Variants in AMMECR1 observed in about 807,000 individuals in gnomAD.
The protein encoded by AMMECR1 is AMMECR nuclear protein 1.
Under a neutral mutation model 22.5 loss-of-function variants are expected in AMMECR1, and 3 were observed. The ratio of observed to expected loss-of-function variants is 0.13; its 90% CI spans 0.06 to 0.35. The LOEUF is 0.35. Ranked by LOEUF, AMMECR1 falls within the 10% of genes least tolerant of loss-of-function variation. The pLI is 1.00. For missense variants in AMMECR1, 235 were observed against 278.7 expected, an observed-to-expected ratio of 0.84 and a Z score of 1.12; for synonymous variants, 130 against 116.7, an observed-to-expected ratio of 1.11 and a Z score of -0.74.
chrX:110,416,285 C>CT (rs2068676994), intron 2 of AMMECR1, among the ~76,000 whole-genome samples: 1 of 112,089 alleles, frequency 8.9e-6, no homozygotes, highest in Non-Finnish European at 1.9e-5. Context: ...GCAACAGTGC[C>CT]TCTAGACTAG....
At chrX:110,343,491 A>G (rs1017099357) in intron 2 of AMMECR1, among the ~76,000 whole-genome samples, 1 of 111,296 alleles carries the variant, frequency 9.0e-6, no homozygotes, top group Non-Finnish European at 1.9e-5. Context: ...AGTTCTGGCC[A>G]GGGCAATCAG....
In AMMECR1 at chrX:110,202,606, A is replaced by G. The variant is rs912341623; in HGVS notation, c.700-70T>C. On this transcript the variant is annotated intron_variant, in intron 3 of 5. Transcript: ENST00000262844. ...ATCAGAAAGAAAAGGTTATAATTTAACTTTCAAGAGAATGCAGTTCTTCCT... is the reference window on the plus strand; with the variant it reads ...ATCAGAAAGAAAAGGTTATAATTTAGCTTTCAAGAGAATGCAGTTCTTCCT... 5 of 701,401 alleles carry G rather than the reference A, an allele frequency of 7.1e-6. No individual in the cohort carries two copies. The African/African-American group carries it at 1.1e-4, about 15-fold the overall frequency. 57.8% of individuals were successfully genotyped at this position (701,401 alleles called of 1,213,427 possible).
At chrX:110,378,031 A>AAAAAAAAAAAAAT (rs1481955905) in intron 2 of AMMECR1, among the ~76,000 whole-genome samples, 1 of 107,573 alleles carries the variant, frequency 9.3e-6, no homozygotes, top group African/African-American at 3.4e-5. Flanking sequence ...AAAAAAAAAA[A>AAAAAAAAAAAAAT]ATATCTACCT....
intron 1 of AMMECR1, among the ~76,000 whole-genome samples, chrX:110,312,424 T>C (rs1260260105): frequency 8.9e-6 from 1 of 112,047 alleles, no homozygotes; most frequent in Non-Finnish European, 1.9e-5. Flanking sequence ...TTTCTTCCCA[T>C]TGGACTGAGA....
intron 2 of AMMECR1, among the ~76,000 whole-genome samples, chrX:110,352,936 T>C (rs774910701): frequency 8.9e-4 from 100 of 112,438 alleles, no homozygotes; most frequent in Middle Eastern, 4.6e-3. Flanking sequence ...ACCATGAAGC[T>C]TACATTCTGG....
intron 2 of AMMECR1, among the ~76,000 whole-genome samples, chrX:110,350,179 T>C (rs1054786926): frequency 1.8e-5 from 2 of 112,158 alleles, no homozygotes; most frequent in African/African-American, 6.5e-5. Flanking sequence ...ATTCTCGCCC[T>C]GTTTTGAGAA....
chrX:110,425,438 G>A (rs2068746562), intron 2 of AMMECR1, among the ~76,000 whole-genome samples: 2 of 112,998 alleles, frequency 1.8e-5, no homozygotes, highest in Admixed American at 1.9e-4. Context: ...GGAATGGCAG[G>A]CCTAGGGCAG....
intron 2 of AMMECR1, among the ~76,000 whole-genome samples, chrX:110,399,092 A>G (rs1293959420): frequency 8.9e-6 from 1 of 112,175 alleles, no homozygotes; most frequent in African/African-American, 3.2e-5. Context: ...CTCCTGACTC[A>G]TGGTCTCTTG....
At chrX:110,234,664 G>A (rs1232390146) in intron 2 of AMMECR1, among the ~76,000 whole-genome samples, 2 of 111,378 alleles carry the variant, frequency 1.8e-5, no homozygotes, top group Non-Finnish European at 3.8e-5. Context: ...AGAGCCCTCA[G>A]AAATAATGCC....
At chrX:110,314,551 C>T (rs1044262816) in intron 1 of AMMECR1, among the ~76,000 whole-genome samples, 4 of 111,663 alleles carry the variant, frequency 3.6e-5, no homozygotes, top group African/African-American at 9.8e-5. Context: ...TTCCAATGTG[C>T]AGCCAAAGTT....
At chrX:110,218,783 C>A (rs1172671457) in intron 2 of AMMECR1, among the ~76,000 whole-genome samples, 1 of 110,574 alleles carries the variant, frequency 9.0e-6, no homozygotes, top group Non-Finnish European at 1.9e-5. Context: ...AACTACGTAC[C>A]CAATAGCAGT....
intron 2 of AMMECR1, among the ~76,000 whole-genome samples, chrX:110,345,157 A>C: frequency 1.8e-5 from 2 of 112,230 alleles, no homozygotes; most frequent in Middle Eastern, 9.2e-3. Context: ...ATGGAATACT[A>C]TGCAGCCATA....
At chrX:110,229,763 C>T (rs940531366) in intron 2 of AMMECR1, among the ~76,000 whole-genome samples, 1 of 112,035 alleles carries the variant, frequency 8.9e-6, no homozygotes, top group Non-Finnish European at 1.9e-5. Flanking sequence ...CAAGGGAAGC[C>T]GTGACAGACT....
chrX:110,227,161 C>T (rs752911348), intron 2 of AMMECR1, among the ~76,000 whole-genome samples: 1 of 111,949 alleles, frequency 8.9e-6, no homozygotes, highest in South Asian at 3.7e-4. Flanking sequence ...ACTCAGTACA[C>T]GAGTCATGCA....
chrX:110,372,307 T>C (rs1165182521), intron 2 of AMMECR1, among the ~76,000 whole-genome samples: 1 of 112,730 alleles, frequency 8.9e-6, no homozygotes, highest in African/African-American at 3.2e-5. Flanking sequence ...TTAAAAGAAA[T>C]GCCTACACAT....
At chrX:110,361,754 T>G (rs763624070) in intron 2 of AMMECR1, among the ~76,000 whole-genome samples, 1 of 112,666 alleles carries the variant, frequency 8.9e-6, no homozygotes, top group South Asian at 3.6e-4. Context: ...GTTTATCTAT[T>G]TATTTGTTTA....
chrX:110,436,282 C>T (rs1217193911), intron 1 of AMMECR1, among the ~76,000 whole-genome samples: 2 of 111,325 alleles, frequency 1.8e-5, no homozygotes, highest in South Asian at 3.8e-4. Context: ...TGCGACCCAG[C>T]TGTGTGACTT....
intron 2 of AMMECR1, among the ~76,000 whole-genome samples, chrX:110,343,397 G>A (rs1482656574): frequency 9.0e-6 from 1 of 111,304 alleles, no homozygotes; most frequent in Non-Finnish European, 1.9e-5. Context: ...TACTGAATGG[G>A]CAAAAACTGG....
chrX:110,307,421 T>C (rs183955168), intron 1 of AMMECR1, among the ~76,000 whole-genome samples: 2 of 111,822 alleles, frequency 1.8e-5, no homozygotes, highest in East Asian at 5.6e-4. Context: ...TATGTACCTT[T>C]GTATGACTGT....
Sources: allele counts gnomAD v4.1 joint callset (sites outside exome capture counted in the v4.1 genomes callset), GRCh38; gene constraint gnomAD v4.1.1; transcripts MANE v1.5; gene names NCBI Gene and HGNC (gene_info 2026-07-23, HGNC 2026-07-21).